LNPEP: variants seen among roughly 807,000 people sequenced by gnomAD.
LNPEP encodes leucyl-cystinyl aminopeptidase.
A neutral mutation model predicts 120.6 loss-of-function variants in LNPEP; 64 were observed. The observed-to-expected ratio is 0.53, with a 90% CI of 0.43 to 0.65. LNPEP has a LOEUF of 0.65. Ranked by LOEUF, LNPEP falls within the 30% of genes least tolerant of loss-of-function variation. LNPEP has a pLI of 0.00. For missense variants in LNPEP, 1,057 were observed against 1,200.0 expected, an observed-to-expected ratio of 0.88 and a Z score of 1.76; for synonymous variants, 435 against 425.4, an observed-to-expected ratio of 1.02 and a Z score of -0.28.
At chr5:96,956,809 C>T (rs560667867) in intron 1 of LNPEP, among the ~76,000 whole-genome samples, 34 of 152,218 alleles carry the variant, frequency 2.2e-4, no homozygotes, top group African/African-American at 7.0e-4. Context: ...GTCCTTGAGG[C>T]GCTGTTTATT....
chr5:96,983,706 C>T (rs1790177645), intron 2 of LNPEP, among the ~76,000 whole-genome samples: 1 of 152,176 alleles, frequency 6.6e-6, no homozygotes, highest in South Asian at 2.1e-4. Context: ...CTTGGCCTCC[C>T]AAAGTGCTGG....
At chr5:97,027,948 A>C (rs1791387598) in intron 17 of LNPEP, 134 bp downstream of exon 17, 1 of 639,662 alleles carries the variant, frequency 1.6e-6, no homozygotes, top group Non-Finnish European at 2.8e-6. Context: ...TATCAGTACT[A>C]ATGATTCTGC....
At chr5:96,992,164 AAGAG>A (rs1382597688) in intron 4 of LNPEP, among the ~76,000 whole-genome samples, 1 of 152,190 alleles carries the variant, frequency 6.6e-6, no homozygotes, top group South Asian at 2.1e-4. Context: ...TAGCCAAAAA[AAGAG>A]AGAGTGAGCA....
At chr5:96,970,091 ATTTAT>A (rs1277907887) in intron 1 of LNPEP, among the ~76,000 whole-genome samples, 1 of 151,624 alleles carries the variant, frequency 6.6e-6, no homozygotes, top group African/African-American at 2.4e-5. Context: ...GTTGATTGTG[ATTTAT>A]TTTATTTTAT....
chr5:97,011,457 T>C (rs893542466), intron 11 of LNPEP, among the ~76,000 whole-genome samples: 10 of 152,228 alleles, frequency 6.6e-5, no homozygotes, highest in Non-Finnish European at 1.3e-4. Context: ...CTCAAACTCC[T>C]GGGCTCAAGT....
At chr5:96,992,990 C>A in intron 4 of LNPEP, 25 bp from the exon 5 acceptor site, 2 of 1,537,734 alleles carry the variant, frequency 1.3e-6, no homozygotes, top group Non-Finnish European at 1.8e-6. Flanking sequence ...CCTGTCCTTG[C>A]ATCATACATA....
At chr5:97,016,971 A>T (rs1239378559) in intron 13 of LNPEP, among the ~76,000 whole-genome samples, 2 of 152,154 alleles carry the variant, frequency 1.3e-5, no homozygotes, top group Non-Finnish European at 2.9e-5. Context: ...GATGTCTTCG[A>T]TGAATGTCTT....
rs1283454448 is a variant in LNPEP, at chr5:97,020,849, T to G, written c.2377-1451T>G. ...AAAAACATTTTTTATATCAGAATTTTTATTCTTTCTAGTGGTATTCATAAA... is the reference window on the plus strand; with the variant it reads ...AAAAACATTTTTTATATCAGAATTTGTATTCTTTCTAGTGGTATTCATAAA... On this transcript the variant is annotated intron_variant, in intron 13 of 17. Coordinates refer to ENST00000231368, the MANE Select transcript of LNPEP (RefSeq NM_005575.3). Among the ~76,000 whole-genome samples, 4 of 152,098 alleles carry G rather than the reference T, an allele frequency of 2.6e-5. No homozygotes were observed. The East Asian group carries it at 7.7e-4, about 29-fold the overall frequency.
At chr5:96,958,266 C>T (rs1313474704) in intron 1 of LNPEP, among the ~76,000 whole-genome samples, 1 of 152,152 alleles carries the variant, frequency 6.6e-6, no homozygotes, top group Non-Finnish European at 1.5e-5. Flanking sequence ...ATTTTTTTCC[C>T]CAGTCTTTTA....
intron 13 of LNPEP, among the ~76,000 whole-genome samples, chr5:97,021,943 T>G (rs1301046365): frequency 7.0e-6 from 1 of 142,194 alleles, no homozygotes; most frequent in Non-Finnish European, 1.5e-5. Flanking sequence ...TTTTTTTTTT[T>G]TTTTTTGAGG....
intron 1 of LNPEP, among the ~76,000 whole-genome samples, chr5:96,971,163 C>G (rs184271804): frequency 6.6e-6 from 1 of 152,042 alleles, no homozygotes; most frequent in East Asian, 1.9e-4. Context: ...TTAGAATTTT[C>G]TTTGTCTTCC....
intron 2 of LNPEP, among the ~76,000 whole-genome samples, chr5:96,984,764 C>T (rs75728744): frequency 0.016 from 2,500 of 152,282 alleles, 52 homozygotes; most frequent in South Asian, 0.088. Flanking sequence ...AGTATACTTT[C>T]TTCCCTTCTT....
At chr5:96,969,922 C>T (rs541100567) in intron 1 of LNPEP, among the ~76,000 whole-genome samples, 1 of 150,452 alleles carries the variant, frequency 6.6e-6, no homozygotes, top group African/African-American at 2.4e-5. Context: ...TTATATATTC[C>T]TTGTGGTTTC....
chr5:97,026,545 T>C, intron 15 of LNPEP, 72 bp from the exon 16 acceptor site: 6 of 1,249,064 alleles, frequency 4.8e-6, no homozygotes, highest in Non-Finnish European at 6.9e-6. Flanking sequence ...ACCATACTAA[T>C]TTTAATTTAA....
At chr5:96,997,977 C>G (rs777210192) in intron 7 of LNPEP, 37 bp from the exon 8 acceptor site, 16 of 1,407,758 alleles carry the variant, frequency 1.1e-5, no homozygotes, top group Non-Finnish European at 1.6e-5. Flanking sequence ...GCATTTGATA[C>G]TACTTGTGAT....
intron 15 of LNPEP, among the ~76,000 whole-genome samples, chr5:97,025,173 T>G (rs1791310484): frequency 6.6e-6 from 1 of 152,180 alleles, no homozygotes; most frequent in Admixed American, 6.5e-5. Context: ...GGTAGGGCAG[T>G]AAGTAGGGCC....
Position 97,034,833 on chromosome 5 carries a change from A to G in LNPEP, c.*6300A>G, listed in dbSNP as rs878924124. On this transcript the variant is annotated 3_prime_UTR_variant, in exon 18 of 18. Coordinates refer to ENST00000231368, the MANE Select transcript of LNPEP (RefSeq NM_005575.3). ...TAGTAATAAAGTTGAGATTGACTCT[A>G]TGAAAAATATCCCATACTCCCCATC... 1.3e-5 allele frequency: 2 copies of G among 152,142 alleles called. No individual in the cohort carries two copies. The highest frequency in any genetic ancestry group is 6.6e-5 in the Admixed American group (1 of 15,256). 9.4% of individuals were successfully genotyped at this position (152,142 alleles called of 1,614,324 possible). A position where few individuals can be genotyped will look rare whatever the true frequency, so the allele number is the denominator to read the frequency against.
intron 1 of LNPEP, among the ~76,000 whole-genome samples, chr5:96,961,186 C>G (rs765435970): frequency 1.3e-5 from 2 of 149,726 alleles, no homozygotes; most frequent in Non-Finnish European, 3.0e-5. Context: ...AAAAACAAAA[C>G]AAAAAAAAAC....
intron 1 of LNPEP, among the ~76,000 whole-genome samples, chr5:96,975,269 C>A (rs1386954981): frequency 6.6e-6 from 1 of 152,112 alleles, no homozygotes. Context: ...TCTCATAATC[C>A]TGTTCTCCTT....
Sources: allele counts gnomAD v4.1 joint callset (sites outside exome capture counted in the v4.1 genomes callset), GRCh38; gene constraint gnomAD v4.1.1; transcripts MANE v1.5; gene names NCBI Gene and HGNC (gene_info 2026-07-23, HGNC 2026-07-21).